The following MAGI2 variants were observed in gnomAD, a reference collection of about 807,000 sequenced individuals.
MAGI2 encodes membrane associated guanylate kinase, WW and PDZ domain containing 2.
Under a neutral mutation model 133.3 loss-of-function variants are expected in MAGI2, and 35 were observed. The ratio of observed to expected loss-of-function variants is 0.26; its 90% CI spans 0.20 to 0.35. The LOEUF (loss-of-function observed/expected upper bound fraction) is 0.35. Ranked by LOEUF, MAGI2 falls within the 10% of genes least tolerant of loss-of-function variation. The probability of loss-of-function intolerance (pLI) is 1.00; values close to 1 mark genes in which losing one functional copy is unlikely to be tolerated. For missense variants in MAGI2, 1,636 were observed against 1,863.4 expected, an observed-to-expected ratio of 0.88 and a Z score of 2.25; for synonymous variants, 729 against 710.6, an observed-to-expected ratio of 1.03 and a Z score of -0.41.
intron 1 of MAGI2, chr7:79,125,317 T>A (rs1028379529): frequency 8.6e-6 from 4 of 463,840 alleles, no homozygotes; most frequent in Non-Finnish European, 1.7e-5. Context: ...AGCCAGAGGT[T>A]GGCATGGTTC....
chr7:78,446,585 C>G (rs796228440), intron 6 of MAGI2, among the ~76,000 whole-genome samples: 1 of 152,014 alleles, frequency 6.6e-6, no homozygotes. Context: ...GGAACTCTAC[C>G]AGATTTTGTT....
chr7:78,583,621 C>T (rs1427817596), intron 3 of MAGI2: 4 of 152,198 alleles, frequency 2.6e-5, no homozygotes, highest in East Asian at 1.9e-4. Flanking sequence ...TCTGTAGAAA[C>T]GTCAGTAAGA....
intron 1 of MAGI2, among the ~76,000 whole-genome samples, chr7:79,194,819 A>G (rs1827943190): frequency 6.6e-6 from 1 of 151,852 alleles, no homozygotes; most frequent in Non-Finnish European, 1.5e-5. Context: ...CGCACACTCT[A>G]GATAGCTGTT....
At chr7:79,438,989 G>C (rs928134425) in intron 1 of MAGI2, among the ~76,000 whole-genome samples, 2 of 152,042 alleles carry the variant, frequency 1.3e-5, no homozygotes, top group African/African-American at 4.8e-5. Context: ...TCTAAGTAAG[G>C]CCTTCCTTTA....
chr7:78,509,265 T>C (rs1056212665), intron 4 of MAGI2: 10 of 152,304 alleles, frequency 6.6e-5, no homozygotes, highest in Admixed American at 1.3e-4. Context: ...AGAAATTCTA[T>C]AGAAACATTG....
At chr7:79,027,243 T>C (rs951775778) in intron 1 of MAGI2, among the ~76,000 whole-genome samples, 2 of 151,986 alleles carry the variant, frequency 1.3e-5, no homozygotes, top group Non-Finnish European at 2.9e-5. Context: ...TATACTCCCC[T>C]GTTCATTGAA....
intron 10 of MAGI2, among the ~76,000 whole-genome samples, chr7:78,204,993 T>C (rs112386881): frequency 2.0e-5 from 3 of 152,310 alleles, no homozygotes; most frequent in East Asian, 1.9e-4. Context: ...TCTAAGAGCA[T>C]AGTGAGATGG....
rs10542588 is a variant in MAGI2, at chr7:78,812,586, A to ATGTGTGTGTGTGTG, written c.419-185361_419-185348dup. Among the ~76,000 whole-genome samples the ATGTGTGTGTGTGTG allele has an allele frequency of 3.7e-3, 560 of 149,436 alleles. 4 individuals carry two copies. The highest frequency in any genetic ancestry group is 0.012 in the African/African-American group (502 of 40,542). On this transcript the variant is annotated intron_variant, in intron 2 of 21. Transcript: ENST00000354212. Reference sequence around the variant, plus strand: ...GTTATCTACCTACATATATGTATGTATGTGTGTGTGTGTGTGTGTGTGTGT... The same window carrying ATGTGTGTGTGTGTG: ...GTTATCTACCTACATATATGTATGTATGTGTGTGTGTGTGTGTGTGTGTGTGTGTGTGTGTGTGT...
At chr7:79,429,878 ACAAGTTATAGT>A (rs1847659815) in intron 1 of MAGI2, among the ~76,000 whole-genome samples, 1 of 152,280 alleles carries the variant, frequency 6.6e-6, no homozygotes, top group South Asian at 2.1e-4. Flanking sequence ...AGTTGACTTT[ACAAGTTATAGT>A]CAAGTTAACT....
At chr7:78,575,548 C>T (rs1020476958) in intron 3 of MAGI2, among the ~76,000 whole-genome samples, 1 of 152,120 alleles carries the variant, frequency 6.6e-6, no homozygotes, top group African/African-American at 2.4e-5. Flanking sequence ...AATCACCTTA[C>T]AGTAAAGAAA....
chr7:78,895,174 T>A (rs989241989), intron 2 of MAGI2, among the ~76,000 whole-genome samples: 2 of 152,138 alleles, frequency 1.3e-5, no homozygotes, highest in African/African-American at 2.4e-5. Context: ...AGAGTTGGAC[T>A]GTTATAAAAG....
At chr7:78,277,430 G>A (rs535173719) in intron 9 of MAGI2, among the ~76,000 whole-genome samples, 2 of 152,296 alleles carry the variant, frequency 1.3e-5, no homozygotes, top group African/African-American at 4.8e-5. Flanking sequence ...CAGTACAGCA[G>A]TGACACACAG....
chr7:78,434,842 C>T (rs946289480), intron 6 of MAGI2, among the ~76,000 whole-genome samples: 3 of 152,054 alleles, frequency 2.0e-5, no homozygotes, highest in African/African-American at 7.2e-5. Context: ...ATCTTTGAAG[C>T]AAAATGAAAA....
At chr7:79,268,785 C>G (rs1426003400) in intron 1 of MAGI2, among the ~76,000 whole-genome samples, 1 of 152,050 alleles carries the variant, frequency 6.6e-6, no homozygotes, top group Non-Finnish European at 1.5e-5. Context: ...TCAACACCAC[C>G]AGAAAGAAAT....
Position 78,492,894 on chromosome 7 carries a change from T to G in MAGI2, c.966-3054A>C, listed in dbSNP as rs528443898. The stretch of plus-strand genomic sequence containing the variant: ...TCCAGCTGGACAATGCAACAGATAT[T>G]TTTTAGGAACTTTGAATCATACTAA... On this transcript the variant is annotated intron_variant, in intron 5 of 21. Coordinates refer to ENST00000354212, the MANE Select transcript of MAGI2 (RefSeq NM_012301.4). Among the ~76,000 whole-genome samples, 10 of 152,182 alleles carry G rather than the reference T, an allele frequency of 6.6e-5. No individual in the cohort carries two copies. The East Asian group carries it at 1.7e-3, about 26-fold the overall frequency.
At chr7:78,318,541 A>G (rs568089534) in intron 9 of MAGI2, among the ~76,000 whole-genome samples, 4 of 152,288 alleles carry the variant, frequency 2.6e-5, no homozygotes, top group African/African-American at 9.6e-5. Context: ...GTTGGAAAAC[A>G]CTCTTCAGGA....
chr7:79,270,905 A>G (rs989320095), intron 1 of MAGI2, among the ~76,000 whole-genome samples: 5 of 151,988 alleles, frequency 3.3e-5, no homozygotes, highest in South Asian at 2.1e-4. Flanking sequence ...CTACCAATTT[A>G]CCACTGTTTT....
chr7:78,255,842 AATTTC>A (rs1253156628), intron 10 of MAGI2, 96 bp downstream of exon 10: 1 of 1,196,058 alleles, frequency 8.4e-7, no homozygotes, highest in Non-Finnish European at 1.2e-6. Flanking sequence ...TTTAAAGTAT[AATTTC>A]ATTCAACTCC....
At chr7:79,222,276 C>T (rs1050470350) in intron 1 of MAGI2, among the ~76,000 whole-genome samples, 5 of 151,910 alleles carry the variant, frequency 3.3e-5, no homozygotes, top group Non-Finnish European at 1.5e-5. Flanking sequence ...GCCAAAGTGT[C>T]AATATTACTT....
Sources: allele counts gnomAD v4.1 joint callset (sites outside exome capture counted in the v4.1 genomes callset), GRCh38; gene constraint gnomAD v4.1.1; transcripts MANE v1.5; gene names NCBI Gene and HGNC (gene_info 2026-07-23, HGNC 2026-07-21).